MACROD2: variants seen among roughly 807,000 people sequenced by gnomAD.
MACROD2 encodes mono-ADP ribosylhydrolase 2.
MACROD2 carries 36 observed loss-of-function variants against 70.4 expected under a neutral mutation model. That is an observed-to-expected ratio of 0.51 (90% CI 0.39 to 0.68). MACROD2 has a LOEUF of 0.68. Among genes scored for constraint, MACROD2 ranks in the 30% least tolerant of loss-of-function variants. MACROD2 has a pLI of 0.00. For synonymous variants in MACROD2, 172 were observed against 178.8 expected (o/e 0.96, Z 0.30); for missense variants, 496 against 538.4 (o/e 0.92, Z 0.78).
intron 3 of MACROD2, among the ~76,000 whole-genome samples, chr20:14,244,204 G>A (rs1023240133): frequency 6.6e-6 from 1 of 152,262 alleles, no homozygotes; most frequent in East Asian, 1.9e-4. Flanking sequence ...ATTGCTCAAG[G>A]TAACATAGAA....
chr20:14,013,674 CTTTTTTT>C (rs34386274), intron 2 of MACROD2, among the ~76,000 whole-genome samples: 2 of 70,976 alleles, frequency 2.8e-5, no homozygotes, highest in South Asian at 7.1e-4. Context: ...TTATATTAAG[CTTTTTTT>C]TTTTTTTTTT....
Position 14,723,529 on chromosome 20 carries a change from A to T in MACROD2, c.418+38570A>T, listed in dbSNP as rs949572502. On this transcript the variant is annotated intron_variant, in intron 5 of 17. Transcript: ENST00000684519. ...TCCCTCGGATTTCTTCTTTGAGGTG[A>T]CTAAATGTGCTGTTTCTTAGAAAGC... is the stretch of plus-strand genomic sequence containing the variant. Among the ~76,000 whole-genome samples the T allele has an allele frequency of 6.0e-5, 9 of 149,140 alleles. No homozygotes were observed. In the Admixed American group the frequency reaches 6.1e-4, roughly 10 times the overall value.
At chr20:15,669,917 T>C (rs1235170632) in intron 8 of MACROD2, among the ~76,000 whole-genome samples, 1 of 152,200 alleles carries the variant, frequency 6.6e-6, no homozygotes, top group Non-Finnish European at 1.5e-5. Context: ...ACCTACTATG[T>C]GACAGGCATG....
At chr20:14,724,222 G>A (rs142177947) in intron 5 of MACROD2, among the ~76,000 whole-genome samples, 1 of 151,948 alleles carries the variant, frequency 6.6e-6, no homozygotes, top group African/African-American at 2.4e-5. Context: ...GTTTGGTGTT[G>A]TGGTTAAAAT....
chr20:14,880,595 T>G (rs1356808394), intron 5 of MACROD2, among the ~76,000 whole-genome samples: 1 of 152,086 alleles, frequency 6.6e-6, no homozygotes, highest in Non-Finnish European at 1.5e-5. Flanking sequence ...AATCCTCTGC[T>G]CAGCACTATT....
chr20:14,002,352 G>C lies in MACROD2; in HGVS notation c.111G>C (p.Leu37=). The C allele has an allele frequency of 1.2e-6, 2 of 1,610,524 alleles. No individual in the cohort carries two copies. Among genetic ancestry groups the C allele is most frequent in the Non-Finnish European group, 1.7e-6 (2 of 1,178,562 alleles). The change falls in exon 2 of 18, where the codon CTG becomes CTC. Residue 37 remains leucine (L), a synonymous_variant. Coordinates refer to ENST00000684519, the MANE Select transcript of MACROD2 (RefSeq NM_001351661.2). ...AATACCTAAGAGACTATATTCCCCT[G>C]AACAGCATTCTATCATGGAAGGAGG... ...RKEYLRDYIP[L]NSILSWKEEM...
intron 5 of MACROD2, among the ~76,000 whole-genome samples, chr20:14,928,348 G>C (rs761527363): frequency 6.6e-6 from 1 of 152,126 alleles, no homozygotes; most frequent in Non-Finnish European, 1.5e-5. Flanking sequence ...AGACTAACTT[G>C]TACAGAGTTT....
chr20:15,580,309 C>T (rs906594051), intron 8 of MACROD2, among the ~76,000 whole-genome samples: 1 of 152,308 alleles, frequency 6.6e-6, no homozygotes, highest in African/African-American at 2.4e-5. Context: ...TCAAATCCTT[C>T]CCTGGTGTCC....
At chr20:15,947,423 C>T (rs1044495606) in intron 12 of MACROD2, among the ~76,000 whole-genome samples, 5 of 121,796 alleles carry the variant, frequency 4.1e-5, no homozygotes, top group African/African-American at 1.2e-4. Flanking sequence ...TGACTTTTAC[C>T]AAGCATACAG....
In MACROD2 at chr20:14,326,864, C is replaced by G. The variant is rs375641264; in HGVS notation, c.272-166615C>G. ...TTGAAGAAAACTTTGTCACCTAAACCATGATTGTTCAACAGGTTTCCATCT... is the reference window on the plus strand; with the variant it reads ...TTGAAGAAAACTTTGTCACCTAAACGATGATTGTTCAACAGGTTTCCATCT... On this transcript the variant is annotated intron_variant, in intron 3 of 17. Coordinates refer to ENST00000684519, the MANE Select transcript of MACROD2 (RefSeq NM_001351661.2). The surrounding 1 kb of genome is among the most constrained non-coding windows in gnomAD (Gnocchi z 5.5). 5 of 1,613,568 alleles carry G rather than the reference C, an allele frequency of 3.1e-6. No individual in the cohort carries two copies. The highest frequency in any genetic ancestry group is 4.2e-6 in the Non-Finnish European group (5 of 1,179,782).
chr20:14,889,283 G>T (rs1052370950), intron 5 of MACROD2, among the ~76,000 whole-genome samples: 8 of 152,130 alleles, frequency 5.3e-5, no homozygotes, highest in African/African-American at 1.9e-4. Flanking sequence ...AACAGGAGAA[G>T]ATCTCTGCCC....
chr20:15,859,918 G>A (rs1304218731), intron 8 of MACROD2, among the ~76,000 whole-genome samples: 3 of 152,214 alleles, frequency 2.0e-5, no homozygotes, highest in South Asian at 2.1e-4. Flanking sequence ...GGCAGATCAC[G>A]AGGTCAGGAG....
chr20:14,540,821 C>A (rs1225807544), intron 4 of MACROD2, among the ~76,000 whole-genome samples: 1 of 152,168 alleles, frequency 6.6e-6, no homozygotes, highest in Non-Finnish European at 1.5e-5. Context: ...TAACCGTGCT[C>A]TACATTAGGA....
chr20:14,577,552 G>A (rs1201379004), intron 4 of MACROD2, among the ~76,000 whole-genome samples: 3 of 152,114 alleles, frequency 2.0e-5, no homozygotes, highest in Admixed American at 6.5e-5. Context: ...GCTGAGGTGG[G>A]AGCGATTGTT....
At chr20:14,619,339 G>T (rs980216978) in intron 4 of MACROD2, among the ~76,000 whole-genome samples, 5 of 145,640 alleles carry the variant, frequency 3.4e-5, no homozygotes, top group African/African-American at 1.3e-4. Context: ...AAGAAAGAAA[G>T]AGAGAGGAAG....
At chr20:14,269,104 C>T (rs2082168754) in intron 3 of MACROD2, among the ~76,000 whole-genome samples, 3 of 152,128 alleles carry the variant, frequency 2.0e-5, no homozygotes, top group Non-Finnish European at 4.4e-5. Flanking sequence ...TTTGGTGATA[C>T]GAGCTGCTTT....
intron 5 of MACROD2, among the ~76,000 whole-genome samples, chr20:14,859,764 G>C (rs185955465): frequency 1.3e-5 from 2 of 152,168 alleles, no homozygotes; most frequent in East Asian, 3.9e-4. Context: ...AGTTAGCTCT[G>C]TAAATATCAT....
chr20:14,257,998 T>G lies in MACROD2; in HGVS notation c.271+172270T>G, dbSNP rs554865354. ...AGAACATATAAGATTTGGTTTTCCA[T>G]TTTTGAGTTGCTGCACTTAGAATAA... On this transcript the variant is annotated intron_variant, in intron 3 of 17. Coordinates refer to ENST00000684519, the MANE Select transcript of MACROD2 (RefSeq NM_001351661.2). Among the ~76,000 whole-genome samples, 340 of 152,298 alleles carry G rather than the reference T, an allele frequency of 2.2e-3. 3 individuals are homozygous for G. The highest frequency in any genetic ancestry group is 0.02 in the Middle Eastern group (6 of 294).
chr20:16,031,388 A>T (rs1177284334), intron 15 of MACROD2, among the ~76,000 whole-genome samples: 3 of 152,026 alleles, frequency 2.0e-5, no homozygotes, highest in Non-Finnish European at 4.4e-5. Context: ...AAGTGATCTG[A>T]TTGATCTGAC....
Sources: gnomAD v4.1 joint callset for allele counts (sites outside exome capture counted in the v4.1 genomes callset) on GRCh38, gnomAD v4.1.1 for gene constraint, Gnocchi (gnomAD v3.1) non-coding constraint, MANE v1.5 for transcripts, NCBI Gene and HGNC (gene_info 2026-07-23, HGNC 2026-07-21) for gene names.